CHCHD3: variants seen among roughly 807,000 people sequenced by gnomAD.
CHCHD3 encodes the protein coiled-coil-helix-coiled-coil-helix domain containing 3.
CHCHD3 carries 20 observed loss-of-function variants against 38.2 expected under a neutral mutation model. The observed-to-expected ratio is 0.52, with a 90% CI of 0.37 to 0.76. The LOEUF is 0.76. Ranked by LOEUF, CHCHD3 falls within the 30% of genes least tolerant of loss-of-function variation. The pLI is 0.00. For synonymous variants in CHCHD3, 82 were observed against 100.0 expected, an observed-to-expected ratio of 0.82 and a Z score of 1.07; for missense variants, 245 against 279.2, an observed-to-expected ratio of 0.88 and a Z score of 0.87.
chr7:132,856,200 A>C (rs991530303), intron 5 of CHCHD3, among the ~76,000 whole-genome samples: 1 of 151,966 alleles, frequency 6.6e-6, no homozygotes, highest in Non-Finnish European at 1.5e-5. Flanking sequence ...GTGTAGGTCC[A>C]AGTCCTTCCA....
chr7:132,824,475 C>G (rs1296834521), intron 6 of CHCHD3, among the ~76,000 whole-genome samples: 2 of 151,982 alleles, frequency 1.3e-5, no homozygotes, highest in Non-Finnish European at 2.9e-5. Flanking sequence ...CCCGCCACCA[C>G]GCCAGGCTAA....
At chr7:132,988,802 C>T (rs1289657540) in intron 3 of CHCHD3, among the ~76,000 whole-genome samples, 2 of 151,826 alleles carry the variant, frequency 1.3e-5, no homozygotes, top group Non-Finnish European at 2.9e-5. Flanking sequence ...CTTGTAAGTC[C>T]AAGCTACTAG....
At chr7:132,908,492 C>T (rs1809852878) in intron 4 of CHCHD3, among the ~76,000 whole-genome samples, 1 of 152,100 alleles carries the variant, frequency 6.6e-6, no homozygotes, top group Non-Finnish European at 1.5e-5. Context: ...TCAAAGTAAC[C>T]TGCACTTTCT....
intron 6 of CHCHD3, among the ~76,000 whole-genome samples, chr7:132,818,570 G>A (rs1585541667): frequency 6.6e-6 from 1 of 152,166 alleles, no homozygotes; most frequent in Non-Finnish European, 1.5e-5. Flanking sequence ...AACTTGTTAT[G>A]AAGTATTTAA....
At chr7:133,053,450 G>A (rs1272867069) in intron 2 of CHCHD3, among the ~76,000 whole-genome samples, 1 of 152,158 alleles carries the variant, frequency 6.6e-6, no homozygotes, top group African/African-American at 2.4e-5. Flanking sequence ...TACTGATTCA[G>A]CCCAAGCCAT....
At chr7:132,831,773 T>G (rs765703307) in intron 6 of CHCHD3, among the ~76,000 whole-genome samples, 7 of 152,184 alleles carry the variant, frequency 4.6e-5, no homozygotes, top group Non-Finnish European at 1.0e-4. Flanking sequence ...ATTTCCAAAA[T>G]GAGGTTGCAT....
At chr7:133,012,923 C>T (rs546287749) in intron 3 of CHCHD3, among the ~76,000 whole-genome samples, 1 of 151,576 alleles carries the variant, frequency 6.6e-6, no homozygotes, top group East Asian at 2.0e-4. Flanking sequence ...TGGTGTCTAA[C>T]GCTTGTAATC....
chr7:132,790,050 T>G (rs1359395240), intron 7 of CHCHD3, among the ~76,000 whole-genome samples: 2 of 152,236 alleles, frequency 1.3e-5, no homozygotes, highest in East Asian at 1.9e-4. Flanking sequence ...CACCAAGTAC[T>G]GTTCTTCACT....
chr7:133,052,580 C>T lies in CHCHD3; in HGVS notation c.169+17562G>A, dbSNP rs550506581. On this transcript the variant is annotated intron_variant, in intron 2 of 7. Coordinates refer to ENST00000262570, the MANE Select transcript of CHCHD3 (RefSeq NM_017812.4). ...ACTGCAAAAAAACTTCAGTGACTAA[C>T]GAACTGTTAAAATGCTCATACTAAC... Among the ~76,000 whole-genome samples the T allele has an allele frequency of 7.2e-5, 11 of 152,284 alleles. No individual in the cohort carries two copies. In the South Asian group the frequency reaches 1.9e-3, roughly 26 times the overall value.
intron 2 of CHCHD3, among the ~76,000 whole-genome samples, chr7:133,050,340 TAAAA>T (rs35635002): frequency 0.012 from 381 of 31,646 alleles, 1 homozygote; most frequent in African/African-American, 0.036. Flanking sequence ...GGCTGTGTCT[TAAAA>T]AAAAAAAAAA....
Position 132,985,391 on chromosome 7 carries a change from C to A in CHCHD3, c.252-10105G>T, listed in dbSNP as rs1349998494. 1.4e-4 allele frequency among the ~76,000 whole-genome samples: 11 copies of A among 81,076 alleles called. 3 individuals carry two copies. The highest frequency in any genetic ancestry group is 4.0e-4 in the South Asian group (1 of 2,504). The allele number at this position is 81,076 out of a possible 152,430, so 53.2% of individuals were successfully genotyped here. A position where few individuals can be genotyped will look rare whatever the true frequency, so the allele number is the denominator to read the frequency against. ...GGAAGGAGGTGGGGGGGTCAGCCCC[C>A]CGCCCGGCCAGCCGCCCTATCCGGG... On this transcript the variant is annotated intron_variant, in intron 3 of 7. Transcript: ENST00000262570.
chr7:132,994,169 C>G (rs979481150), intron 3 of CHCHD3, among the ~76,000 whole-genome samples: 1 of 152,126 alleles, frequency 6.6e-6, no homozygotes, highest in African/African-American at 2.4e-5. Context: ...CCCCCTCCCC[C>G]ACTCACTGTA....
chr7:133,040,035 C>A (rs1031884307), intron 2 of CHCHD3, among the ~76,000 whole-genome samples: 2 of 152,104 alleles, frequency 1.3e-5, no homozygotes, highest in African/African-American at 4.8e-5. Flanking sequence ...CTTAGGGTCT[C>A]CATTAGAACA....
intron 4 of CHCHD3, among the ~76,000 whole-genome samples, chr7:132,959,180 C>T (rs965045058): frequency 2.6e-5 from 4 of 152,214 alleles, no homozygotes; most frequent in East Asian, 1.9e-4. Flanking sequence ...TCTACCTACA[C>T]CTAACTCCCA....
Position 133,024,590 on chromosome 7 carries a change from C to T in CHCHD3, c.207G>A (p.Glu69=). 6.2e-7 allele frequency: 1 copy of T among 1,613,892 alleles called. No individual in the cohort carries two copies. The highest frequency in any genetic ancestry group is 2.2e-5 in the East Asian group (1 of 44,876). ...CTTTCTTGGCTTGCTCCAATGCCAG[C>T]TCCTCAGCTACTCTTCTTTTCAATT... ...DEELKRRVAE[E]LALEQAKKES... is the part of the protein sequence containing the mutation. The change falls in exon 3 of 8, where the codon GAG becomes GAA. Residue 69 remains glutamate, a synonymous_variant. Coordinates refer to ENST00000262570, the MANE Select transcript of CHCHD3 (RefSeq NM_017812.4).
chr7:132,845,766 G>A (rs537843590), intron 5 of CHCHD3, among the ~76,000 whole-genome samples: 35 of 152,200 alleles, frequency 2.3e-4, no homozygotes, highest in Admixed American at 4.6e-4. Flanking sequence ...CATGAGAAAC[G>A]CCAGATTAAA....
intron 7 of CHCHD3, among the ~76,000 whole-genome samples, chr7:132,794,461 CCTT>C (rs1806550828): frequency 6.6e-6 from 1 of 152,146 alleles, no homozygotes; most frequent in South Asian, 2.1e-4. Context: ...TGTGAAATGA[CCTT>C]GCAATCCTAA....
intron 3 of CHCHD3, among the ~76,000 whole-genome samples, chr7:132,984,929 C>A (rs1246474384): frequency 2.2e-5 from 2 of 90,518 alleles, no homozygotes; most frequent in Non-Finnish European, 4.8e-5. Flanking sequence ...CGGCCAGCCG[C>A]CCCGTCCGGG....
chr7:132,934,613 T>C (rs1810593483), intron 4 of CHCHD3, among the ~76,000 whole-genome samples: 1 of 152,206 alleles, frequency 6.6e-6, no homozygotes, highest in African/African-American at 2.4e-5. Flanking sequence ...TTCCCCATTA[T>C]AACTCTAGAG....
Sources: allele counts gnomAD v4.1 joint callset (sites outside exome capture counted in the v4.1 genomes callset), GRCh38; gene constraint gnomAD v4.1.1; transcripts MANE v1.5; gene names NCBI Gene and HGNC (gene_info 2026-07-23, HGNC 2026-07-21).